Variants in NTRK2 observed in about 807,000 individuals in gnomAD.
NTRK2 encodes BDNF/NT-3 growth factors receptor.
Under a neutral mutation model 94.5 loss-of-function variants are expected in NTRK2, and 13 were observed. The observed-to-expected ratio is 0.14, with a 90% confidence interval of 0.09 to 0.22. NTRK2 has a LOEUF of 0.22. NTRK2 is among the 10% of genes least tolerant of loss of function. The pLI is 1.00. For synonymous variants in NTRK2, 372 were observed against 407.4 expected (o/e 0.91, Z 1.05); for missense variants, 639 against 1,071.2 (o/e 0.60, Z 5.63).
In NTRK2 at chr9:85,022,425, C is replaced by T. The variant is rs201373284; in HGVS notation, c.*988C>T. 9.4e-4 allele frequency: 219 copies of T among 233,264 alleles called. No homozygotes were observed. The highest frequency in any genetic ancestry group is 1.6e-3 in the Non-Finnish European group (186 of 118,026). 14.4% of individuals were successfully genotyped at this position (233,264 alleles called of 1,614,324 possible). A position where few individuals can be genotyped will look rare whatever the true frequency, so the allele number is the denominator to read the frequency against. The stretch of plus-strand genomic sequence containing the variant: ...GTTTCTCAAGCGCTATCCACAGAAC[C>T]TTTGTCAACTTCAGTTGAAAAGAGG... On this transcript the variant is annotated 3_prime_UTR_variant, in exon 19 of 19. Transcript: ENST00000277120.
intron 16 of NTRK2, among the ~76,000 whole-genome samples, chr9:84,951,131 CG>C (rs1245704907): frequency 7.9e-5 from 12 of 152,328 alleles, no homozygotes. Context: ...CATGGATCCA[CG>C]TGCAATTTAA....
chr9:84,925,635 C>A (rs1448299034), intron 14 of NTRK2, among the ~76,000 whole-genome samples: 3 of 152,184 alleles, frequency 2.0e-5, no homozygotes, highest in Non-Finnish European at 4.4e-5. Flanking sequence ...GACAGCACCT[C>A]CCACAAGAGT....
At chr9:84,783,203 G>T (rs1185804073) in intron 12 of NTRK2, among the ~76,000 whole-genome samples, 1 of 152,170 alleles carries the variant, frequency 6.6e-6, no homozygotes, top group Non-Finnish European at 1.5e-5. Context: ...CCTGTGAAGG[G>T]ACATTTTGTG....
At chr9:84,918,190 G>T (rs1014416171) in intron 14 of NTRK2, among the ~76,000 whole-genome samples, 3 of 152,164 alleles carry the variant, frequency 2.0e-5, no homozygotes, top group Non-Finnish European at 4.4e-5. Flanking sequence ...TCACATAACA[G>T]GTGCTGGAAA....
chr9:85,005,029 T>C (rs968665009), intron 17 of NTRK2, among the ~76,000 whole-genome samples: 1 of 152,206 alleles, frequency 6.6e-6, no homozygotes, highest in Non-Finnish European at 1.5e-5. Flanking sequence ...CCTCTGCTGC[T>C]GTTTTCTCTT....
intron 12 of NTRK2, chr9:84,814,033 A>G: frequency 1.9e-6 from 2 of 1,065,208 alleles, no homozygotes; most frequent in Non-Finnish European, 2.3e-6. Flanking sequence ...ACAACAGGAA[A>G]AACAAATCTC....
intron 14 of NTRK2, among the ~76,000 whole-genome samples, chr9:84,915,506 C>CAGCT (rs2077369278): frequency 6.6e-6 from 1 of 152,198 alleles, no homozygotes; most frequent in Non-Finnish European, 1.5e-5. Flanking sequence ...CTGCTCAGGC[C>CAGCT]AGCTCCCTTT....
intron 17 of NTRK2, among the ~76,000 whole-genome samples, chr9:85,004,087 A>G (rs4877896): frequency 3.2e-5 from 2 of 63,390 alleles, no homozygotes; most frequent in East Asian, 2.9e-4. Context: ...GAAGAGGGAG[A>G]GAGAAAGGAA....
chr9:84,917,672 C>G lies in NTRK2; in HGVS notation c.1634-16490C>G, dbSNP rs139610449. On this transcript the variant is annotated intron_variant, in intron 14 of 18. Coordinates refer to ENST00000277120, the MANE Select transcript of NTRK2 (RefSeq NM_006180.6). ...TCCAAGAGCAGGCAGCCTACTTTGT[C>G]CAAGCAGAGTAAATCTAAGAGTGAC... Among the ~76,000 whole-genome samples, 21 of 152,150 alleles carry G rather than the reference C, an allele frequency of 1.4e-4. 1 individual carries two copies. The highest frequency in any genetic ancestry group is 4.6e-4 in the African/African-American group (19 of 41,496).
At chr9:85,021,208 A>T (rs2117993549) in intron 18 of NTRK2, 44 bp from the exon 19 acceptor site, 2 of 1,572,122 alleles carry the variant, frequency 1.3e-6, no homozygotes. Flanking sequence ...TTCGATGTGC[A>T]TTGCTTTTCC....
rs114262332 is a variant in NTRK2, at chr9:84,831,470, C to T, written c.1397-29570C>T. ...CCTAATAAGAAAAAATTCTAGTTTTCTATGCCCGTGGTACATTGGTGGTCA... is the reference window on the plus strand; with the variant it reads ...CCTAATAAGAAAAAATTCTAGTTTTTTATGCCCGTGGTACATTGGTGGTCA... On this transcript the variant is annotated intron_variant, in intron 12 of 18. Transcript: ENST00000277120. Among the ~76,000 whole-genome samples, 575 of 152,216 alleles carry T rather than the reference C, an allele frequency of 3.8e-3. 5 individuals carry two copies. Among genetic ancestry groups the T allele is most frequent in the African/African-American group, 0.013 (542 of 41,532 alleles).
chr9:84,952,720 ATTACT>A (rs1823637689), intron 16 of NTRK2, among the ~76,000 whole-genome samples: 1 of 152,214 alleles, frequency 6.6e-6, no homozygotes, highest in African/African-American at 2.4e-5. Flanking sequence ...AACAGGGGAA[ATTACT>A]TTAAAAATCC....
chr9:84,877,766 A>T (rs1231432720), intron 14 of NTRK2: 1 of 1,056,022 alleles, frequency 9.5e-7, no homozygotes, highest in African/African-American at 1.6e-5. Flanking sequence ...TGTATGTATG[A>T]GTGACCAATG....
At chr9:84,874,206 C>G in intron 14 of NTRK2, 3 of 1,065,324 alleles carry the variant, frequency 2.8e-6, no homozygotes, top group Non-Finnish European at 3.4e-6. Flanking sequence ...GCTGAGCAAA[C>G]ACAGTTGCAG....
chr9:84,991,354 G>A (rs1372597022), intron 17 of NTRK2, among the ~76,000 whole-genome samples: 8 of 152,184 alleles, frequency 5.3e-5, no homozygotes, highest in South Asian at 2.1e-4. Context: ...TGGGCACCCC[G>A]TGGATGTGGC....
intron 17 of NTRK2, among the ~76,000 whole-genome samples, chr9:85,004,063 G>GAAA (rs1830672008): frequency 4.6e-5 from 3 of 65,680 alleles, no homozygotes; most frequent in Non-Finnish European, 6.7e-5. Flanking sequence ...GAGAAAGAAA[G>GAAA]GAGAGAGAGA....
chr9:84,810,930 T>C (rs2071710779), intron 12 of NTRK2: 3 of 1,170,308 alleles, frequency 2.6e-6, no homozygotes, highest in East Asian at 3.7e-5. Context: ...TTGACCCTAC[T>C]GGACATTTAT....
At chr9:84,980,025 A>G (rs900134596) in intron 17 of NTRK2, among the ~76,000 whole-genome samples, 5 of 152,244 alleles carry the variant, frequency 3.3e-5, no homozygotes, top group African/African-American at 1.2e-4. Context: ...AACAAAAAAA[A>G]TTGTGTGACC....
At position 84,670,693 on chromosome 9, in the gene NTRK2, G is replaced by A; in HGVS notation, c.-56G>A. On this transcript the variant is annotated 5_prime_UTR_variant, in exon 2 of 19. Transcript: ENST00000277120. ...GGAAGGCCTCCCCGCACGGGTGGGG[G>A]AAAGCGGCCGGTGCAGCGCGGGGAC... The A allele has an allele frequency of 5.7e-6, 9 of 1,576,598 alleles. No individual in the cohort carries two copies. The highest frequency in any genetic ancestry group is 4.5e-5 in the East Asian group (2 of 44,702).
Sources: gnomAD v4.1 joint callset for allele counts (sites outside exome capture counted in the v4.1 genomes callset) on GRCh38, gnomAD v4.1.1 for gene constraint, MANE v1.5 for transcripts, NCBI Gene and HGNC (gene_info 2026-07-23, HGNC 2026-07-21) for gene names.